MGA: variants seen among roughly 807,000 people sequenced by gnomAD.
The protein encoded by MGA is MAX gene-associated protein.
MGA carries 40 observed loss-of-function variants against 261.1 expected under a neutral mutation model. The observed-to-expected ratio is 0.15, with a 90% CI of 0.12 to 0.20. The LOEUF is 0.20. MGA is among the 10% of genes least tolerant of loss of function. MGA has a pLI of 1.00. For missense variants in MGA, 3,397 were observed against 3,630.5 expected (o/e 0.94, Z 1.65); for synonymous variants, 1,302 against 1,290.6 (o/e 1.01, Z -0.19).
intron 9 of MGA, among the ~76,000 whole-genome samples, chr15:41,723,518 C>T (rs776903206): frequency 1.4e-4 from 22 of 152,126 alleles, no homozygotes; most frequent in Non-Finnish European, 2.8e-4. Context: ...CTGGCTCAAG[C>T]GGTCCTTCCG....
chr15:41,694,609 C>T (rs1324611722), intron 2 of MGA, among the ~76,000 whole-genome samples: 1 of 151,168 alleles, frequency 6.6e-6, no homozygotes, highest in Non-Finnish European at 1.5e-5. Context: ...TCACTGCAAG[C>T]TCCGCCTCCC....
rs1241069092 is a variant in MGA at position 41,699,153 on chromosome 15, C to A, written c.2182C>A (p.Gln728Lys). 1 of 1,598,436 alleles carries A rather than the reference C, an allele frequency of 6.3e-7. No homozygotes were observed. The highest frequency in any genetic ancestry group is 8.5e-7 in the Non-Finnish European group (1 of 1,170,828). The change falls in exon 5 of 24, where the codon CAA becomes AAA. Residue 728 changes from glutamine to lysine, a missense_variant. Around this residue, in one of 9 missense-constraint regions of MGA, gnomAD observed 19 missense variants for 44.7 expected, o/e 0.43. Transcript: ENST00000219905. ...CAAGCAGGTGATACATCCTGGTCTT[C>A]AAGAAGGTAATAGACTAGCGACTTC...
intron 9 of MGA, among the ~76,000 whole-genome samples, chr15:41,726,185 T>C (rs2061238525): frequency 6.6e-6 from 1 of 152,170 alleles, no homozygotes; most frequent in African/African-American, 2.4e-5. Context: ...CAGCTTGGTC[T>C]CTGGAGCCAG....
At chr15:41,628,419 AGTG>A (rs2056509795) in intron 1 of MGA, among the ~76,000 whole-genome samples, 1 of 148,874 alleles carries the variant, frequency 6.7e-6, no homozygotes, top group African/African-American at 2.5e-5. Flanking sequence ...AGAGATAGAG[AGTG>A]GTGGTGGTGG....
At position 41,708,132 on chromosome 15, in the gene MGA, A is replaced by G; in HGVS notation, c.2349A>G (p.Thr783=). 1.9e-6 allele frequency: 3 copies of G among 1,595,922 alleles called. No homozygotes were observed. Among genetic ancestry groups the G allele is most frequent in the Middle Eastern group, 1.7e-4 (1 of 5,996 alleles). Residue 783 remains threonine (T), a synonymous_variant, in exon 7 of 24, where the codon ACA becomes ACG. Transcript: ENST00000219905. ...CGGGATTTCCCTTTGTTTCTAGGAC[A>G]GGGAAAACCAATGATTTCACTAAGA...
At chr15:41,707,618 C>G in intron 5 of MGA, 110 bp from the exon 6 acceptor site, 4 of 1,040,094 alleles carry the variant, frequency 3.8e-6, no homozygotes, top group Non-Finnish European at 5.5e-6. Flanking sequence ...TCTCCTTTCT[C>G]TCTCGACCTT....
In MGA at chr15:41,713,198, C is replaced by T. The variant is rs1266636899; in HGVS notation, c.3132C>T (p.Ala1044=). 6.2e-7 allele frequency: 1 copy of T among 1,613,884 alleles called. No individual in the cohort carries two copies. Among genetic ancestry groups the T allele is most frequent in the South Asian group, 1.1e-5 (1 of 91,084 alleles). The change falls in exon 9 of 24, where the codon GCC becomes GCT. Residue 1044 remains alanine, a synonymous_variant. Coordinates refer to ENST00000219905, the MANE Select transcript of MGA (RefSeq NM_001164273.2). ...TCCACACAATCATAAGGAAACGAGC[C>T]CCTCCCTGCAACAATGACTTCTGTC...
At chr15:41,656,359 T>TCTCTCTCTCTCTCTC (rs1555403746), upstream of MGA, among the ~76,000 whole-genome samples, 1 of 131,146 alleles carries the variant, frequency 7.6e-6, no homozygotes, top group Non-Finnish European at 1.7e-5. Flanking sequence ...TCTCTCTCTC[T>TCTCTCTCTCTCTCTC]CTCTCTCTCT....
In MGA at chr15:41,764,877, T is replaced by G. The variant is rs568905930; in HGVS notation, c.7745-9T>G. On this transcript the variant is annotated splice_polypyrimidine_tract_variant and intron_variant, in intron 22 of 23. Transcript: ENST00000219905. ...TTTATCTATAACTAATTTCTGATCT[T>G]TCTTACAGAAAATACCTCACCCTTG... The G allele has an allele frequency of 6.2e-6, 10 of 1,613,636 alleles. No individual in the cohort carries two copies. The highest frequency in any genetic ancestry group is 8.5e-6 in the Non-Finnish European group (10 of 1,179,606).
rs1162961801 is a variant in MGA at position 41,710,809 on chromosome 15, T to C, written c.2544T>C (p.Ala848=). Residue 848 remains alanine, a synonymous_variant, in exon 8 of 24, where the codon GCT becomes GCC. Transcript: ENST00000219905. ...CAAGCATGGGTTTTTCTTCTAATGC[T>C]CCCACATCTCCTGTGGTGTACCAGC... 4.3e-6 allele frequency: 7 copies of C among 1,614,012 alleles called. No individual in the cohort carries two copies. Among genetic ancestry groups the C allele is most frequent in the Non-Finnish European group, 5.9e-6 (7 of 1,179,878 alleles).
At chr15:41,634,459 C>T (rs2056657843) in intron 1 of MGA, among the ~76,000 whole-genome samples, 1 of 152,144 alleles carries the variant, frequency 6.6e-6, no homozygotes, top group African/African-American at 2.4e-5. Flanking sequence ...CTCATTATGC[C>T]TCTGTGCTCA....
chr15:41,688,935 G>C (rs2059115686), intron 2 of MGA, among the ~76,000 whole-genome samples: 1 of 152,044 alleles, frequency 6.6e-6, no homozygotes, highest in Non-Finnish European at 1.5e-5. Context: ...CCACACATGG[G>C]GGGAGCGGGG....
chr15:41,658,860 C>G (rs1233356060), upstream of MGA, among the ~76,000 whole-genome samples: 2 of 152,142 alleles, frequency 1.3e-5, no homozygotes, highest in Non-Finnish European at 2.9e-5. Flanking sequence ...TAACTTGTCT[C>G]TTTGGGGATG....
chr15:41,673,417 C>T (rs1268212071), intron 2 of MGA, among the ~76,000 whole-genome samples: 2 of 151,358 alleles, frequency 1.3e-5, no homozygotes, highest in African/African-American at 2.4e-5. Flanking sequence ...GGCGTTTCAC[C>T]ATGTTGGCCA....
Position 41,682,891 on chromosome 15 carries a change from G to A in MGA, c.1064+12933G>A, listed in dbSNP as rs577499539. 4.3e-4 allele frequency among the ~76,000 whole-genome samples: 65 copies of A among 152,268 alleles called. 1 individual carries two copies. In the South Asian group the frequency reaches 0.013, roughly 30 times the overall value. ...GTAGTTTCTTTAGAAAGTATCTGTA[G>A]AACATAGAATTTTAAGATGTTTAAG... On this transcript the variant is annotated intron_variant, in intron 2 of 23. Coordinates refer to ENST00000219905, the MANE Select transcript of MGA (RefSeq NM_001164273.2).
intron 1 of MGA, among the ~76,000 whole-genome samples, chr15:41,664,557 A>T (rs950849668): frequency 6.6e-6 from 1 of 152,126 alleles, no homozygotes; most frequent in East Asian, 1.9e-4. Flanking sequence ...TTTTTCATAT[A>T]CTTCTTTGCT....
intron 1 of MGA, among the ~76,000 whole-genome samples, chr15:41,664,506 C>T (rs527731903): frequency 6.6e-6 from 1 of 152,274 alleles, no homozygotes; most frequent in South Asian, 2.1e-4. Context: ...ATAAATTCGG[C>T]ACCTTTTCAT....
intron 11 of MGA, among the ~76,000 whole-genome samples, chr15:41,731,282 C>G (rs1455789406): frequency 6.6e-6 from 1 of 151,808 alleles, no homozygotes; most frequent in African/African-American, 2.4e-5. Flanking sequence ...ACTTTGTTAC[C>G]TATATTAAAA....
chr15:41,731,227 C>T (rs376154843), intron 11 of MGA, among the ~76,000 whole-genome samples: 29 of 152,000 alleles, frequency 1.9e-4, no homozygotes, highest in South Asian at 1.7e-3. Flanking sequence ...TATTAATGAC[C>T]ACTTTAATTA....
Sources: allele counts gnomAD v4.1 joint callset (sites outside exome capture counted in the v4.1 genomes callset), GRCh38; gene constraint gnomAD v4.1.1; regional missense constraint gnomAD v4.1.1; transcripts MANE v1.5; gene names NCBI Gene and HGNC (gene_info 2026-07-23, HGNC 2026-07-21).